Variants in TEP1 observed in about 807,000 individuals in gnomAD.
TEP1 encodes telomerase protein component 1.
A neutral mutation model predicts 306.3 loss-of-function variants in TEP1; 241 were observed. The observed-to-expected ratio is 0.79, with a 90% CI of 0.71 to 0.88. The LOEUF (loss-of-function observed/expected upper bound fraction) is 0.88. Ranked by LOEUF, TEP1 falls within the 40% of genes least tolerant of loss-of-function variation. The pLI is 0.00. For synonymous variants in TEP1, 1,289 were observed against 1,305.5 expected, an observed-to-expected ratio of 0.99 and a Z score of 0.27; for missense variants, 3,051 against 3,276.1, an observed-to-expected ratio of 0.93 and a Z score of 1.68.
Position 20,382,005 on chromosome 14 carries a change from C to A in TEP1, c.4332G>T (p.Gly1444=), listed in dbSNP as rs762838981. 2 of 1,614,180 alleles carry A rather than the reference C, an allele frequency of 1.2e-6. No individual in the cohort carries two copies. Among genetic ancestry groups the A allele is most frequent in the Admixed American group, 3.3e-5 (2 of 60,024 alleles). Reference sequence around the variant, plus strand: ...CCACTGCTTCTTCCCAGCTCTTAGTCCCCTTCGGTAGTGTCCGCCACACAC... The same window carrying A: ...CCACTGCTTCTTCCCAGCTCTTAGTACCCTTCGGTAGTGTCCGCCACACAC... ...VLSVWRTLPK[G]TKSWEEAVAA... is the part of the protein sequence containing the mutation. The change falls in exon 30 of 55, where the codon GGG becomes GGT. Residue 1444 remains glycine (G), a synonymous_variant. Transcript: ENST00000262715.
intron 13 of TEP1, 32 bp from the exon 14 acceptor site, chr14:20,391,128 TCC>T (rs1159467048): frequency 7.5e-6 from 12 of 1,607,030 alleles, no homozygotes; most frequent in Non-Finnish European, 9.4e-6. Flanking sequence ...GAAATAAAGC[TCC>T]CCTGCTTTGG....
chr14:20,384,304 GC>G, intron 23 of TEP1, 72 bp from the exon 24 acceptor site: 2 of 1,608,140 alleles, frequency 1.2e-6, no homozygotes, highest in Non-Finnish European at 1.7e-6. Flanking sequence ...AACTCACAGA[GC>G]CCCCGCCAAG....
chr14:20,387,273 G>A (rs1287751456), intron 18 of TEP1, among the ~76,000 whole-genome samples: 5 of 147,638 alleles, frequency 3.4e-5, no homozygotes, highest in East Asian at 2.1e-4. Flanking sequence ...CTGGTCAGGC[G>A]CGATGGCTCA....
Position 20,396,686 on chromosome 14 carries a change from T to C in TEP1, c.1594A>G (p.Asn532Asp). The C allele has an allele frequency of 2.5e-6, 4 of 1,612,292 alleles. No individual in the cohort carries two copies. Among genetic ancestry groups the C allele is most frequent in the Non-Finnish European group, 3.4e-6 (4 of 1,178,516 alleles). Residue 532 changes from asparagine (N) to aspartate (D), a missense_variant, in exon 10 of 55, where the codon AAC (asparagine) becomes GAC (aspartate). Coordinates refer to ENST00000262715, the MANE Select transcript of TEP1 (RefSeq NM_007110.5). ...GAACTGATTCCAACCCGCAGCAGGT[T>C]GCACAGGTTCCGAAGCATGGCCATG... ...PFMAMLRNLC[N>D]LLRVGISSRH...
chr14:20,384,902 T>C lies in TEP1; in HGVS notation c.3107+83A>G, dbSNP rs1197549083. ...TTTCTGCCTCATAGCACTCCCCTTCTATACTCTGAATACTGAGGAGAGAAG... is the reference window on the plus strand; with the variant it reads ...TTTCTGCCTCATAGCACTCCCCTTCCATACTCTGAATACTGAGGAGAGAAG... On this transcript the variant is annotated intron_variant, in intron 21 of 54. Coordinates refer to ENST00000262715, the MANE Select transcript of TEP1 (RefSeq NM_007110.5). 8 of 1,596,642 alleles carry C rather than the reference T, an allele frequency of 5.0e-6. No homozygotes were observed. In the Admixed American group the frequency reaches 7.0e-5, roughly 14 times the overall value.
chr14:20,386,366 A>T, intron 19 of TEP1, 81 bp downstream of exon 19: 2 of 1,571,684 alleles, frequency 1.3e-6, no homozygotes, highest in Non-Finnish European at 1.7e-6. Context: ...CCATTCTTGC[A>T]GCCCCAACCA....
In TEP1 at chr14:20,369,730, T is replaced by G. The variant is rs1342997860; in HGVS notation, c.7367A>C (p.Asn2456Thr). 1 of 1,614,194 alleles carries G rather than the reference T, an allele frequency of 6.2e-7. No homozygotes were observed. Among genetic ancestry groups the G allele is most frequent in the Admixed American group, 1.7e-5 (1 of 60,022 alleles). Reference sequence around the variant, plus strand: ...TAGGGTCCTACTAGGATTCTCTAAGTTTATATCAAAGTTCAGCCTCTCTTC... The same window carrying G: ...TAGGGTCCTACTAGGATTCTCTAAGGTTATATCAAAGTTCAGCCTCTCTTC... ...EFEERLNFDI[N>T]LENPSRTLIS... The change falls in exon 52 of 55, where the codon AAC (asparagine) becomes ACC (threonine). Residue 2456 changes from asparagine to threonine, a missense_variant. Asn to Thr is a moderately conservative substitution (Grantham distance 65). This residue lies in a region of TEP1 where 1,540 missense variants were observed against 1,705.9 expected (regional missense o/e 0.90). Transcript: ENST00000262715.
chr14:20,389,062 C>G (rs181736834), intron 17 of TEP1, among the ~76,000 whole-genome samples, 176 bp downstream of exon 17: 1 of 151,650 alleles, frequency 6.6e-6, no homozygotes, highest in African/African-American at 2.4e-5. Context: ...GCAGGAGGAT[C>G]GCTTGAACCC....
At chr14:20,396,571 C>T (rs374917519) in intron 10 of TEP1, 50 bp downstream of exon 10, 148 of 1,509,828 alleles carry the variant, frequency 9.8e-5, no homozygotes, top group Middle Eastern at 1.7e-4. Flanking sequence ...GGCCTCTCCA[C>T]GTGCACATCT....
intron 9 of TEP1, among the ~76,000 whole-genome samples, chr14:20,398,494 A>G (rs951854234): frequency 7.5e-5 from 11 of 146,440 alleles, no homozygotes; most frequent in African/African-American, 2.7e-4. Context: ...CAAATTATAT[A>G]GAAACCAAAA....
chr14:20,391,903 A>AT, intron 12 of TEP1, 136 bp from the exon 13 acceptor site: 1 of 883,600 alleles, frequency 1.1e-6, no homozygotes, highest in South Asian at 1.7e-5. Flanking sequence ...TCCACAGCCC[A>AT]CTCCATTTCT....
At position 20,403,822 on chromosome 14, in the gene TEP1, C is replaced by T. The variant is rs1401740056; in HGVS notation, c.1095G>A (p.Met365Ile). 3 of 1,614,024 alleles carry T rather than the reference C, an allele frequency of 1.9e-6. No homozygotes were observed. The highest frequency in any genetic ancestry group is 8.5e-7 in the Non-Finnish European group (1 of 1,180,028). Residue 365 changes from methionine to isoleucine, a missense_variant, in exon 6 of 55, where the codon ATG becomes ATA. Around this residue, in one of 3 missense-constraint regions of TEP1, gnomAD observed 1,507 missense variants for 1,550.5 expected, o/e 0.97. Transcript: ENST00000262715. ...VPLPACLRTA[M>I]TDKFAQFDEY... ...CGTCAAACTGGGCAAATTTGTCCGT[C>T]ATGGCAGTACGGAGACAGGCGGGCA... is the stretch of plus-strand genomic sequence containing the variant.
intron 12 of TEP1, among the ~76,000 whole-genome samples, chr14:20,392,808 G>T (rs565610296): frequency 1.3e-4 from 20 of 152,192 alleles, no homozygotes; most frequent in African/African-American, 3.6e-4. Context: ...TATAAAAAAT[G>T]TCCCTTTTTA....
Position 20,376,139 on chromosome 14 carries a change from C to G in TEP1, c.6214G>C (p.Asp2072His), listed in dbSNP as rs764760279. Residue 2072 changes from aspartate to histidine, a missense_variant, in exon 42 of 55, where the codon GAT becomes CAT. Physicochemically the swap from Asp to His is moderately conservative, Grantham distance 81 (BLOSUM62 -1). This residue lies in a region of TEP1 where 1,540 missense variants were observed against 1,705.9 expected (regional missense o/e 0.90). Coordinates refer to ENST00000262715, the MANE Select transcript of TEP1 (RefSeq NM_007110.5). ...CCCCCGGTGGCCAGGCTGCCTCCAT[C>G]AGTGCTGAAACTACAGCAGCTCACA... ...GPVSCCSFST[D>H]GGSLATGGRD... The G allele has an allele frequency of 6.2e-7, 1 of 1,614,068 alleles. No individual in the cohort carries two copies. Among genetic ancestry groups the G allele is most frequent in the Non-Finnish European group, 8.5e-7 (1 of 1,180,042 alleles).
Position 20,378,814 on chromosome 14 carries a change from G to A in TEP1, c.5292C>T (p.Gly1764=). The A allele has an allele frequency of 1.2e-6, 2 of 1,614,224 alleles. No individual in the cohort carries two copies. The highest frequency in any genetic ancestry group is 1.7e-6 in the Non-Finnish European group (2 of 1,180,032). ...GCCGGCAGTCTGGGCTCAGGCAGCA[G>A]CCAGTGATTTGGTACTGGTGAGCCT... is the stretch of plus-strand genomic sequence containing the variant. ...QTKAHQYQIT[G]CCLSPDCRLL... is the part of the protein sequence containing the mutation. Residue 1764 remains glycine, a synonymous_variant, in exon 37 of 55, where the codon GGC becomes GGT. Transcript: ENST00000262715.
Position 20,384,424 on chromosome 14 carries a change from A to C in TEP1, c.3306T>G (p.Asp1102Glu), listed in dbSNP as rs1327040123. ...LEEFGQLVLQ[D>E]VWNMIQKLYL... ...AGAGCTTCTGGATCATATTCCATAC[A>C]TCCTGCAGAACCAACTGCCCAAACT... The change falls in exon 23 of 55, where the codon GAT becomes GAG. Residue 1102 changes from aspartate to glutamate, a missense_variant. Asp to Glu is a conservative substitution (Grantham distance 45). Coordinates refer to ENST00000262715, the MANE Select transcript of TEP1 (RefSeq NM_007110.5). The C allele has an allele frequency of 6.2e-7, 1 of 1,613,966 alleles. No homozygotes were observed. Among genetic ancestry groups the C allele is most frequent in the Admixed American group, 1.7e-5 (1 of 60,004 alleles).
intron 1 of TEP1, among the ~76,000 whole-genome samples, chr14:20,411,974 C>T (rs1199472863): frequency 6.6e-6 from 1 of 151,930 alleles, no homozygotes; most frequent in East Asian, 1.9e-4. Context: ...TATTTTCTTA[C>T]TTATTTGGAC....
At position 20,369,790 on chromosome 14, in the gene TEP1, A is replaced by G. The variant is rs758090740; in HGVS notation, c.7318-11T>C. On this transcript the variant is annotated splice_polypyrimidine_tract_variant and intron_variant, in intron 51 of 54. Coordinates refer to ENST00000262715, the MANE Select transcript of TEP1 (RefSeq NM_007110.5). ...TGATTCCTTTTGCCTCTGTGAAAGA[A>G]TAGGTAATTTTGTTTAGCCTACCCA... 1 of 1,611,160 alleles carries G rather than the reference A, an allele frequency of 6.2e-7. No homozygotes were observed. Among genetic ancestry groups the G allele is most frequent in the East Asian group, 2.2e-5 (1 of 44,868 alleles).
chr14:20,383,443 T>C (rs1476361779), intron 26 of TEP1, 45 bp downstream of exon 26: 1 of 1,569,772 alleles, frequency 6.4e-7, no homozygotes, highest in Admixed American at 1.7e-5. Flanking sequence ...TATCCCTCCT[T>C]CTCCCCAGCC....
Sources: gnomAD v4.1 joint callset for allele counts (sites outside exome capture counted in the v4.1 genomes callset) on GRCh38, gnomAD v4.1.1 for gene constraint, gnomAD v4.1.1 regional missense constraint, MANE v1.5 for transcripts, NCBI Gene and HGNC (gene_info 2026-07-23, HGNC 2026-07-21) for gene names.